NAALADL2: variants seen among roughly 807,000 people sequenced by gnomAD.
The protein encoded by NAALADL2 is N-acetylated alpha-linked acidic dipeptidase like 2.
A neutral mutation model predicts 87.2 loss-of-function variants in NAALADL2; 76 were observed. The observed-to-expected ratio is 0.87, with a 90% CI of 0.72 to 1.05. The LOEUF (loss-of-function observed/expected upper bound fraction) is 1.05, where lower values mean the gene tolerates loss of function less well. Among genes scored for constraint, NAALADL2 ranks in the 50% least tolerant of loss-of-function variants. NAALADL2 has a pLI of 0.00. For missense variants in NAALADL2, 1,089 were observed against 945.8 expected (o/e 1.15, Z -1.99); for synonymous variants, 354 against 331.0 (o/e 1.07, Z -0.75).
At chr3:175,130,246 A>T (rs1580605186) in intron 2 of NAALADL2, among the ~76,000 whole-genome samples, 1 of 152,134 alleles carries the variant, frequency 6.6e-6, no homozygotes, top group Non-Finnish European at 1.5e-5. Context: ...TTCTTATCAG[A>T]TATCAGATAT....
At chr3:175,628,255 G>A (rs1727274562) in intron 11 of NAALADL2, among the ~76,000 whole-genome samples, 1 of 151,620 alleles carries the variant, frequency 6.6e-6, no homozygotes, top group Non-Finnish European at 1.5e-5. Context: ...GTTAGATTTT[G>A]TCCAGTTGTA....
intron 2 of NAALADL2, among the ~76,000 whole-genome samples, chr3:175,130,036 A>G (rs1293471493): frequency 6.6e-6 from 1 of 152,066 alleles, no homozygotes; most frequent in Admixed American, 6.5e-5. Context: ...TGTAGGTAGG[A>G]TTTGCATTTT....
chr3:174,461,979 G>A (rs1294817865), intron 1 of NAALADL2, among the ~76,000 whole-genome samples: 2 of 151,900 alleles, frequency 1.3e-5, no homozygotes, highest in East Asian at 3.9e-4. Flanking sequence ...GATATTGTGT[G>A]TTCTTATGGT....
intron 9 of NAALADL2, among the ~76,000 whole-genome samples, chr3:175,567,577 A>T (rs1717377378): frequency 6.6e-6 from 1 of 152,184 alleles, no homozygotes; most frequent in Non-Finnish European, 1.5e-5. Context: ...TGTGTAGACT[A>T]GAAGATTAGC....
chr3:174,674,833 T>C (rs1319268060), intron 2 of NAALADL2, among the ~76,000 whole-genome samples: 1 of 152,084 alleles, frequency 6.6e-6, no homozygotes, highest in Non-Finnish European at 1.5e-5. Context: ...AAATATGTTA[T>C]TTAGGCTTAT....
chr3:174,822,106 A>T lies in NAALADL2; in HGVS notation c.-9+84360A>T, dbSNP rs149977496. On this transcript the variant is annotated intron_variant, in intron 3 of 3. Transcript: ENST00000434257. ...AATAATGTACAGGCTAGGTTGACAA[A>T]AATAAGTGAGGTGAGTTAAACTAGG... is the stretch of plus-strand genomic sequence containing the variant. Among the ~76,000 whole-genome samples the T allele has an allele frequency of 2.9e-3, 445 of 152,248 alleles. 2 individuals are homozygous for T. Among genetic ancestry groups the T allele is most frequent in the African/African-American group, 0.01 (430 of 41,542 alleles).
At chr3:175,797,172 C>T (rs1418531775) in intron 13 of NAALADL2, among the ~76,000 whole-genome samples, 1 of 151,962 alleles carries the variant, frequency 6.6e-6, no homozygotes, top group Non-Finnish European at 1.5e-5. Flanking sequence ...TTACACTTTC[C>T]TTTAGTAGTC....
chr3:174,986,264 AAT>A (rs58763135), intron 1 of NAALADL2, among the ~76,000 whole-genome samples: 14,007 of 147,260 alleles, frequency 0.095, 1,566 homozygotes, highest in African/African-American at 0.26. Flanking sequence ...ATATATACAC[AAT>A]ATATATATAT....
chr3:174,941,458 A>G (rs1738579622), intron 1 of NAALADL2, among the ~76,000 whole-genome samples: 2 of 152,128 alleles, frequency 1.3e-5, no homozygotes, highest in African/African-American at 4.8e-5. Flanking sequence ...GGTGATGAGA[A>G]GAGTATATAT....
At chr3:174,865,875 T>A (rs1406726995) in intron 1 of NAALADL2, among the ~76,000 whole-genome samples, 1 of 151,800 alleles carries the variant, frequency 6.6e-6, no homozygotes, top group African/African-American at 2.4e-5. Context: ...TTGCTTTATT[T>A]CCCCCCTCTT....
intron 5 of NAALADL2, among the ~76,000 whole-genome samples, chr3:175,355,521 G>T (rs1764268650): frequency 6.6e-6 from 1 of 152,182 alleles, no homozygotes; most frequent in African/African-American, 2.4e-5. Context: ...CAGGCTGGCT[G>T]AAGTGTCAAC....
chr3:175,328,862 G>GAAAGTA (rs1169374141), intron 5 of NAALADL2, among the ~76,000 whole-genome samples: 1 of 152,112 alleles, frequency 6.6e-6, no homozygotes, highest in African/African-American at 2.4e-5. Flanking sequence ...TAAAAAATAA[G>GAAAGTA]AAAGTAAAAA....
chr3:175,536,346 A>T (rs1336650050), intron 9 of NAALADL2, among the ~76,000 whole-genome samples: 1 of 152,192 alleles, frequency 6.6e-6, no homozygotes, highest in Non-Finnish European at 1.5e-5. Flanking sequence ...CTTTCTGATC[A>T]TAAGCAGGTT....
chr3:174,907,935 A>G (rs1186513061), intron 1 of NAALADL2, among the ~76,000 whole-genome samples: 1 of 151,698 alleles, frequency 6.6e-6, no homozygotes, highest in African/African-American at 2.4e-5. Flanking sequence ...CATAATGTGT[A>G]CTTTAGAAAG....
chr3:174,997,720 G>T (rs1747701618), intron 1 of NAALADL2, among the ~76,000 whole-genome samples: 1 of 151,974 alleles, frequency 6.6e-6, no homozygotes, highest in Non-Finnish European at 1.5e-5. Context: ...GGAGGCTGAG[G>T]CAGGAGAATC....
intron 5 of NAALADL2, among the ~76,000 whole-genome samples, chr3:175,344,545 C>A (rs562492942): frequency 3.3e-5 from 5 of 152,000 alleles, no homozygotes; most frequent in African/African-American, 1.2e-4. Flanking sequence ...AATAATTTGA[C>A]ATAACTTTAA....
chr3:175,791,173 T>C (rs919744028), intron 13 of NAALADL2, among the ~76,000 whole-genome samples: 9 of 152,364 alleles, frequency 5.9e-5, no homozygotes, highest in South Asian at 2.1e-4. Flanking sequence ...AAATGTGCTA[T>C]ATAGCGGGGC....
intron 5 of NAALADL2, among the ~76,000 whole-genome samples, chr3:175,344,642 G>A (rs191916377): frequency 1.1e-4 from 17 of 151,824 alleles, no homozygotes; most frequent in East Asian, 7.7e-4. Flanking sequence ...TAAGATTATC[G>A]TGAAAATAAA....
chr3:174,841,923 G>C (rs997978893), intron 3 of NAALADL2, among the ~76,000 whole-genome samples: 1 of 152,102 alleles, frequency 6.6e-6, no homozygotes, highest in Non-Finnish European at 1.5e-5. Flanking sequence ...GGTTTTTGCC[G>C]AATTTGTTAA....
Sources: gnomAD v4.1 joint callset for allele counts (sites outside exome capture counted in the v4.1 genomes callset) on GRCh38, gnomAD v4.1.1 for gene constraint, MANE v1.5 for transcripts, NCBI Gene and HGNC (gene_info 2026-07-23, HGNC 2026-07-21) for gene names.